Variants in RGS7 observed in about 807,000 individuals in gnomAD.
RGS7 encodes regulator of G protein signaling 7.
Under a neutral mutation model 81.1 loss-of-function variants are expected in RGS7, and 27 were observed. That is an observed-to-expected ratio of 0.33 (90% CI 0.25 to 0.46). The LOEUF is 0.46. Ranked by LOEUF, RGS7 falls within the 20% of genes least tolerant of loss-of-function variation. RGS7 has a pLI of 1.00. For synonymous variants in RGS7, 208 were observed against 207.7 expected, an observed-to-expected ratio of 1.00 and a Z score of -0.01; for missense variants, 396 against 607.4, an observed-to-expected ratio of 0.65 and a Z score of 3.66.
chr1:241,270,772 TC>T (rs2077841404), intron 2 of RGS7, among the ~76,000 whole-genome samples: 1 of 151,172 alleles, frequency 6.6e-6, no homozygotes, highest in Non-Finnish European at 1.5e-5. Context: ...TTTTTTTTTT[TC>T]TTGAGACGGA....
intron 2 of RGS7, among the ~76,000 whole-genome samples, chr1:241,266,178 G>C (rs1004117096): frequency 6.6e-6 from 1 of 152,144 alleles, no homozygotes; most frequent in African/African-American, 2.4e-5. Flanking sequence ...AAGAGCTCAA[G>C]GGGAATTGTG....
At chr1:241,318,810 T>C (rs955247132) in intron 2 of RGS7, among the ~76,000 whole-genome samples, 1 of 152,204 alleles carries the variant, frequency 6.6e-6, no homozygotes, top group African/African-American at 2.4e-5. Context: ...GCTATTGTTT[T>C]ATAAGCAAAA....
chr1:240,842,276 G>T (rs999240305), intron 9 of RGS7, among the ~76,000 whole-genome samples: 4 of 140,626 alleles, frequency 2.8e-5, no homozygotes, highest in Non-Finnish European at 6.0e-5. Flanking sequence ...TTGGCTCACT[G>T]CAACCCCCGC....
At chr1:241,303,358 G>A (rs531543551) in intron 2 of RGS7, among the ~76,000 whole-genome samples, 42 of 152,048 alleles carry the variant, frequency 2.8e-4, no homozygotes, top group Non-Finnish European at 5.3e-4. Flanking sequence ...TTCCCCTTCG[G>A]CCATGATTGT....
At chr1:240,958,031 G>A (rs925541162) in intron 4 of RGS7, among the ~76,000 whole-genome samples, 4 of 152,290 alleles carry the variant, frequency 2.6e-5, no homozygotes, top group South Asian at 4.2e-4. Flanking sequence ...AAAGGCAGAA[G>A]AAGGCACAAA....
chr1:241,030,490 A>T, intron 3 of RGS7, among the ~76,000 whole-genome samples: 1 of 132,728 alleles, frequency 7.5e-6, no homozygotes, highest in Non-Finnish European at 1.6e-5. Context: ...ATGTATATAG[A>T]TGTACACACA....
intron 2 of RGS7, among the ~76,000 whole-genome samples, chr1:241,353,482 T>G (rs570336203): frequency 6.6e-6 from 1 of 152,352 alleles, no homozygotes; most frequent in South Asian, 2.1e-4. Flanking sequence ...ATTTATATAT[T>G]GTTATTTCTA....
intron 9 of RGS7, among the ~76,000 whole-genome samples, chr1:240,864,180 C>T (rs1250609057): frequency 6.6e-6 from 1 of 152,084 alleles, no homozygotes; most frequent in African/African-American, 2.4e-5. Flanking sequence ...GTGTTTTAGT[C>T]CACTCTTTAT....
chr1:240,883,236 C>G (rs1003808187), intron 6 of RGS7, among the ~76,000 whole-genome samples: 1 of 151,776 alleles, frequency 6.6e-6, no homozygotes, highest in South Asian at 2.1e-4. Context: ...TGCTAAATGA[C>G]GAGTTAATGG....
chr1:240,983,017 G>A (rs368510196), intron 4 of RGS7, 62 bp downstream of exon 4: 14 of 931,660 alleles, frequency 1.5e-5, no homozygotes, highest in Non-Finnish European at 1.7e-5. Flanking sequence ...TATCCCTGAT[G>A]AAACATATTT....
intron 4 of RGS7, among the ~76,000 whole-genome samples, chr1:240,952,126 G>T (rs141054801): frequency 3.3e-5 from 5 of 152,060 alleles, no homozygotes; most frequent in African/African-American, 1.2e-4. Context: ...TTGCCAGAAA[G>T]GTTACAAAGA....
intron 2 of RGS7, chr1:241,132,357 T>G (rs1465040594): frequency 1.9e-5 from 3 of 154,740 alleles, no homozygotes; most frequent in Non-Finnish European, 4.4e-5. Context: ...GATTCAATAT[T>G]CATTTATGGA....
chr1:240,812,176 C>T, intron 13 of RGS7, 133 bp from the exon 14 acceptor site: 1 of 864,000 alleles, frequency 1.2e-6, no homozygotes, highest in Non-Finnish European at 1.9e-6. Context: ...ATATATATAT[C>T]CGATTAACGG....
At chr1:241,075,015 C>T (rs2502413) in intron 3 of RGS7, among the ~76,000 whole-genome samples, 4,077 of 152,234 alleles carry the variant, frequency 0.027, 179 homozygotes, top group African/African-American at 0.093. Context: ...TCTTAGCATC[C>T]ATCTCTTGCT....
intron 2 of RGS7, among the ~76,000 whole-genome samples, chr1:241,272,612 G>A (rs967980004): frequency 1.3e-5 from 2 of 152,168 alleles, no homozygotes; most frequent in Non-Finnish European, 2.9e-5. Flanking sequence ...AGTGGTTGAG[G>A]TCTTTAAGTT....
intron 18 of RGS7, among the ~76,000 whole-genome samples, chr1:240,789,683 T>G (rs1399244424): frequency 6.6e-6 from 1 of 152,192 alleles, no homozygotes; most frequent in African/African-American, 2.4e-5. Flanking sequence ...CTAATAAATT[T>G]TGGTCAGACC....
At chr1:241,058,195 G>C (rs1368853348) in intron 3 of RGS7, among the ~76,000 whole-genome samples, 3 of 152,186 alleles carry the variant, frequency 2.0e-5, no homozygotes, top group Admixed American at 2.0e-4. Context: ...AAATGGCAGA[G>C]TTTCACTGGT....
intron 2 of RGS7, among the ~76,000 whole-genome samples, chr1:241,195,093 G>A (rs2072966676): frequency 6.6e-6 from 1 of 152,144 alleles, no homozygotes; most frequent in East Asian, 1.9e-4. Context: ...AGTCCCACCT[G>A]GAGAAAAACA....
intron 3 of RGS7, chr1:240,998,532 C>G: frequency 2.2e-6 from 2 of 913,884 alleles, no homozygotes; most frequent in Non-Finnish European, 3.5e-6. Context: ...TCAGCTGGAG[C>G]AGCAGCAGCA....
Sources: gnomAD v4.1 joint callset for allele counts (sites outside exome capture counted in the v4.1 genomes callset) on GRCh38, gnomAD v4.1.1 for gene constraint, MANE v1.5 for transcripts, NCBI Gene and HGNC (gene_info 2026-07-23, HGNC 2026-07-21) for gene names.